The following TIAM2 variants were observed in gnomAD, a reference collection of about 807,000 sequenced individuals.
TIAM2 encodes the protein rho guanine nucleotide exchange factor TIAM2.
In TIAM2, 80 loss-of-function variants were observed where a neutral mutation model predicts 152.9. The ratio of observed to expected loss-of-function variants is 0.52; its 90% confidence interval spans 0.44 to 0.63. The LOEUF (loss-of-function observed/expected upper bound fraction) is 0.63. Ranked by LOEUF, TIAM2 falls within the 30% of genes least tolerant of loss-of-function variation. The pLI is 0.00. For synonymous variants in TIAM2, 804 were observed against 838.0 expected (o/e 0.96, Z 0.70); for missense variants, 1,965 against 2,120.1 (o/e 0.93, Z 1.44).
At chr6:155,219,020 CCGCCCACCCG>C (rs1781954318) in intron 15 of TIAM2, among the ~76,000 whole-genome samples, 1 of 50,408 alleles carries the variant, frequency 2.0e-5, no homozygotes, top group African/African-American at 5.8e-5. Flanking sequence ...ACCATCTCAG[CCGCCCACCCG>C]TGTTCTTGAC....
chr6:155,014,262 T>A (rs894849269), intron 1 of TIAM2, among the ~76,000 whole-genome samples: 1 of 152,212 alleles, frequency 6.6e-6, no homozygotes, highest in African/African-American at 2.4e-5. Context: ...TTTATACTAT[T>A]TGAGGTCATT....
At chr6:155,110,195 C>G (rs555388942) in intron 2 of TIAM2, among the ~76,000 whole-genome samples, 1 of 151,922 alleles carries the variant, frequency 6.6e-6, no homozygotes, top group African/African-American at 2.4e-5. Context: ...TCAAGTGATC[C>G]GCCCGCCTTG....
chr6:155,199,373 C>T (rs1177081856), intron 14 of TIAM2, among the ~76,000 whole-genome samples: 1 of 152,126 alleles, frequency 6.6e-6, no homozygotes, highest in Admixed American at 6.5e-5. Context: ...CCACCGTGCC[C>T]AGCCTGAGAA....
At chr6:155,110,485 C>A (rs1318663699) in intron 2 of TIAM2, among the ~76,000 whole-genome samples, 1 of 152,170 alleles carries the variant, frequency 6.6e-6, no homozygotes, top group African/African-American at 2.4e-5. Flanking sequence ...TACATTCAAT[C>A]TGTGACCATC....
chr6:155,136,499 C>T (rs1295404097), intron 4 of TIAM2, among the ~76,000 whole-genome samples: 5 of 152,014 alleles, frequency 3.3e-5, no homozygotes, highest in Non-Finnish European at 7.4e-5. Flanking sequence ...GTTTTGAACT[C>T]CTGGCCTCAG....
Position 155,126,832 on chromosome 6 carries a change from C to T in TIAM2, c.-117-658C>T, listed in dbSNP as rs374614185. ...ACTTTTTTTTTTTTTTTTAAAGGAA[C>T]AAAAAGTCACTATTAAGGCCTCACC... On this transcript the variant is annotated intron_variant, in intron 2 of 26. Coordinates refer to ENST00000682666, the MANE Select transcript of TIAM2 (RefSeq NM_012454.4). Among the ~76,000 whole-genome samples, 1,190 of 142,448 alleles carry T rather than the reference C, an allele frequency of 8.4e-3. 26 individuals carry two copies. The highest frequency in any genetic ancestry group is 0.029 in the African/African-American group (1,120 of 38,338). The allele number at this position is 142,448 out of a possible 152,430, so 93.5% of individuals were successfully genotyped here. A position where few individuals can be genotyped will look rare whatever the true frequency, so the allele number is the denominator to read the frequency against.
rs145990115 is a variant in TIAM2 at position 155,127,937 on chromosome 6, C to T, written c.-7+337C>T. On this transcript the variant is annotated intron_variant, in intron 3 of 26. Transcript: ENST00000682666. ...GTTCCAGCTACTTGGGAGGCTGAGG[C>T]AGGAGAATCCCTTGAGCCCAGGGGT... Among the ~76,000 whole-genome samples, 859 of 152,234 alleles carry T rather than the reference C, an allele frequency of 5.6e-3. 7 individuals are homozygous for T. The highest frequency in any genetic ancestry group is 0.019 in the African/African-American group (797 of 41,534).
intron 5 of TIAM2, among the ~76,000 whole-genome samples, chr6:155,142,488 C>T (rs1252497354): frequency 6.6e-6 from 1 of 152,194 alleles, no homozygotes; most frequent in African/African-American, 2.4e-5. Context: ...GGGAAGTGAA[C>T]GTGAACCCAT....
At position 155,256,606 on chromosome 6, in the gene TIAM2, G is replaced by A. The variant is rs372223354; in HGVS notation, c.4591G>A (p.Gly1531Ser). The change falls in exon 27 of 27, where the codon GGC (glycine) becomes AGC (serine). Residue 1531 changes from glycine (G) to serine (S), a missense_variant. Around this residue, in one of 3 missense-constraint regions of TIAM2, gnomAD observed 935 missense variants for 980.0 expected, o/e 0.95. Coordinates refer to ENST00000682666, the MANE Select transcript of TIAM2 (RefSeq NM_012454.4). ...CTTGAGCAGCGGCACCCAGAGCAGCGGCTGCCCCACGGCTGAGGGCAGGCA... is the reference window on the plus strand; with the variant it reads ...CTTGAGCAGCGGCACCCAGAGCAGCAGCTGCCCCACGGCTGAGGGCAGGCA... ...GSLSSGTQSSGCPTAEGRQDS... is the reference protein window; with the variant it reads ...GSLSSGTQSSSCPTAEGRQDS... 8.1e-6 allele frequency: 13 copies of A among 1,614,038 alleles called. 1 individual carries two copies. Among genetic ancestry groups the A allele is most frequent in the South Asian group, 4.4e-5 (4 of 91,084 alleles).
rs1263274121 is a variant in TIAM2 at position 155,252,010 on chromosome 6, C to T, written c.4119+7C>T. On this transcript the variant is annotated splice_region_variant and intron_variant, in intron 23 of 26. Coordinates refer to ENST00000682666, the MANE Select transcript of TIAM2 (RefSeq NM_012454.4). Reference sequence around the variant, plus strand: ...CAAACTGAAAAAGAAATTGGTAAGGCAAAAATTCATTTTAATTTAAGCTAC... The same window carrying T: ...CAAACTGAAAAAGAAATTGGTAAGGTAAAAATTCATTTTAATTTAAGCTAC... 3 of 1,597,572 alleles carry T rather than the reference C, an allele frequency of 1.9e-6. No homozygotes were observed. The highest frequency in any genetic ancestry group is 2.6e-6 in the Non-Finnish European group (3 of 1,171,008).
At chr6:155,077,436 C>T (rs1170837290) in intron 1 of TIAM2, among the ~76,000 whole-genome samples, 1 of 152,104 alleles carries the variant, frequency 6.6e-6, no homozygotes, top group South Asian at 2.1e-4. Context: ...TTCCCTTTGA[C>T]GTAAAATTTA....
In TIAM2 at chr6:155,256,741, C is replaced by T. The variant is rs139143766; in HGVS notation, c.4726C>T (p.Arg1576Cys). 68 of 1,614,094 alleles carry T rather than the reference C, an allele frequency of 4.2e-5. No individual in the cohort carries two copies. The highest frequency in any genetic ancestry group is 1.6e-4 in the Middle Eastern group (1 of 6,084). ...CCTGAGCGATGAAGATGATGACCAC[C>T]GTCAGACTGTGAAGCAGGGCAGCCC... ...DILSDEDDDH[R>C]QTVKQGSPTK... is the part of the protein sequence containing the mutation. Residue 1576 changes from arginine (R) to cysteine (C), a missense_variant, in exon 27 of 27, where the codon CGT becomes TGT. Physicochemically the swap from Arg to Cys is radical, Grantham distance 180 (BLOSUM62 -3). Coordinates refer to ENST00000682666, the MANE Select transcript of TIAM2 (RefSeq NM_012454.4).
chr6:155,145,645 C>T (rs2115061475), intron 6 of TIAM2, among the ~76,000 whole-genome samples: 1 of 152,282 alleles, frequency 6.6e-6, no homozygotes, highest in Middle Eastern at 3.4e-3. Context: ...ACAGTGTTGG[C>T]CGTAGGTTAC....
chr6:155,236,174 T>A (rs1176986735), intron 15 of TIAM2, among the ~76,000 whole-genome samples: 2 of 151,904 alleles, frequency 1.3e-5, no homozygotes, highest in African/African-American at 4.8e-5. Context: ...ACCAGAGTCA[T>A]GGCTGTGATT....
At chr6:155,095,997 CA>C (rs1778412098) in intron 2 of TIAM2, among the ~76,000 whole-genome samples, 1 of 152,032 alleles carries the variant, frequency 6.6e-6, no homozygotes, top group South Asian at 2.1e-4. Flanking sequence ...TTACCTTAGC[CA>C]AAACTCATTG....
chr6:155,095,230 G>A (rs1391906919), intron 2 of TIAM2, among the ~76,000 whole-genome samples: 2 of 152,146 alleles, frequency 1.3e-5, no homozygotes, highest in East Asian at 3.9e-4. Flanking sequence ...TATAACCGAG[G>A]GAGTGGGCTC....
intron 12 of TIAM2, among the ~76,000 whole-genome samples, chr6:155,181,350 AT>A (rs1780896986): frequency 6.6e-6 from 1 of 152,216 alleles, no homozygotes; most frequent in Admixed American, 6.5e-5. Flanking sequence ...CCTTCTTAAA[AT>A]GCTCAACCCC....
At chr6:155,006,050 G>T (rs1038587954) in intron 1 of TIAM2, among the ~76,000 whole-genome samples, 1 of 152,212 alleles carries the variant, frequency 6.6e-6, no homozygotes, top group African/African-American at 2.4e-5. Context: ...GGATCGAGCC[G>T]CCTGCCTCTG....
At chr6:155,191,052 C>T (rs1308732724) in intron 14 of TIAM2, among the ~76,000 whole-genome samples, 4 of 152,202 alleles carry the variant, frequency 2.6e-5, no homozygotes, top group Non-Finnish European at 5.9e-5. Context: ...TTAGAGATAA[C>T]TGTATTGTGA....
Sources: allele counts gnomAD v4.1 joint callset (sites outside exome capture counted in the v4.1 genomes callset), GRCh38; gene constraint gnomAD v4.1.1; regional missense constraint gnomAD v4.1.1; transcripts MANE v1.5; gene names NCBI Gene and HGNC (gene_info 2026-07-23, HGNC 2026-07-21).